The following DOCK3 variants were observed in gnomAD, a reference collection of about 807,000 sequenced individuals.
DOCK3 encodes the protein dedicator of cytokinesis 3, also known as dedicator of cytokinesis protein 3.
Under a neutral mutation model 265.6 loss-of-function variants are expected in DOCK3, and 60 were observed. The observed-to-expected ratio is 0.23, with a 90% CI of 0.18 to 0.28. The LOEUF (loss-of-function observed/expected upper bound fraction) is 0.28, where lower values mean the gene tolerates loss of function less well. Ranked by LOEUF, DOCK3 falls within the 10% of genes least tolerant of loss-of-function variation. The pLI is 1.00. For synonymous variants in DOCK3, 881 were observed against 938.0 expected (o/e 0.94, Z 1.11); for missense variants, 1,981 against 2,594.3 (o/e 0.76, Z 5.14).
intron 48 of DOCK3, 43 bp downstream of exon 48, chr3:51,362,040 A>G (rs1368851385): frequency 1.3e-6 from 2 of 1,567,096 alleles, no homozygotes; most frequent in African/African-American, 1.4e-5. Context: ...CACCATGCCT[A>G]CAGAACTCAC....
chr3:50,750,995 C>T (rs1482681651), intron 1 of DOCK3, among the ~76,000 whole-genome samples: 2 of 152,058 alleles, frequency 1.3e-5, no homozygotes, highest in African/African-American at 4.8e-5. Flanking sequence ...ATTGGAATAG[C>T]TTCTCATTTA....
intron 3 of DOCK3, among the ~76,000 whole-genome samples, chr3:50,884,823 T>C (rs1015606067): frequency 6.6e-6 from 1 of 152,092 alleles, no homozygotes; most frequent in Admixed American, 6.6e-5. Context: ...CCCCACAGTT[T>C]TCCTATTATT....
At chr3:50,801,008 T>C (rs921950669) in intron 2 of DOCK3, among the ~76,000 whole-genome samples, 2 of 152,216 alleles carry the variant, frequency 1.3e-5, no homozygotes, top group African/African-American at 4.8e-5. Flanking sequence ...TTTATTCCAT[T>C]TTGGTCTGAG....
At chr3:51,168,921 G>A (rs919553394) in intron 12 of DOCK3, among the ~76,000 whole-genome samples, 2 of 152,064 alleles carry the variant, frequency 1.3e-5, no homozygotes, top group African/African-American at 4.8e-5. Flanking sequence ...TAAAAACTGG[G>A]CAAAGGACAT....
intron 2 of DOCK3, among the ~76,000 whole-genome samples, chr3:50,829,142 G>A (rs2085580): frequency 0.85 from 128,603 of 152,162 alleles, 54,782 homozygotes; most frequent in East Asian, 0.95. Context: ...GGTTTGCTGC[G>A]CATTGTTTCA....
intron 2 of DOCK3, chr3:50,787,185 C>A (rs2042228297): frequency 1.6e-6 from 1 of 631,802 alleles, no homozygotes; most frequent in African/African-American, 1.8e-5. Context: ...AAACTTATTG[C>A]CACATTTATC....
intron 3 of DOCK3, chr3:50,881,346 T>C (rs928422549): frequency 6.6e-6 from 1 of 152,238 alleles, no homozygotes; most frequent in Non-Finnish European, 1.5e-5. Context: ...TTGTCCCTGT[T>C]TGCAGATGAC....
At chr3:50,821,462 G>T (rs1389405214) in intron 2 of DOCK3, among the ~76,000 whole-genome samples, 1 of 151,934 alleles carries the variant, frequency 6.6e-6, no homozygotes, top group African/African-American at 2.4e-5. Context: ...ACCACACCCG[G>T]CTAATTTTTT....
At chr3:50,949,789 C>T (rs1310588697) in intron 5 of DOCK3, among the ~76,000 whole-genome samples, 2 of 152,048 alleles carry the variant, frequency 1.3e-5, no homozygotes, top group East Asian at 3.8e-4. Flanking sequence ...ATAGTTATTT[C>T]CCCTTTACAT....
intron 7 of DOCK3, among the ~76,000 whole-genome samples, chr3:51,086,472 A>G (rs1420641932): frequency 2.0e-5 from 3 of 152,030 alleles, no homozygotes; most frequent in African/African-American, 4.8e-5. Flanking sequence ...AGTCAGAAAC[A>G]AAAAAGGATA....
At chr3:51,020,863 T>TTAC (rs2079556047) in intron 5 of DOCK3, among the ~76,000 whole-genome samples, 1 of 151,914 alleles carries the variant, frequency 6.6e-6, no homozygotes, top group Non-Finnish European at 1.5e-5. Context: ...GCTGTTTTGG[T>TTAC]TACTGTAGCC....
At chr3:51,290,864 A>G (rs937061871) in intron 27 of DOCK3, among the ~76,000 whole-genome samples, 2 of 152,118 alleles carry the variant, frequency 1.3e-5, no homozygotes, top group Admixed American at 1.3e-4. Flanking sequence ...GTGGATCACA[A>G]GGTCAGGAGT....
Position 51,361,991 on chromosome 3 carries a change from C to T in DOCK3, c.5139C>T (p.His1713=). 1.2e-6 allele frequency: 2 copies of T among 1,606,320 alleles called. No homozygotes were observed. The highest frequency in any genetic ancestry group is 1.7e-6 in the Non-Finnish European group (2 of 1,176,316). The change falls in exon 48 of 53, where the codon CAC becomes CAT. Residue 1713 remains histidine, a synonymous_variant. Transcript: ENST00000266037. This position sits in a 1 kb window ranked among gnomAD's most constrained non-coding sequence, Gnocchi z 4.2. Reference sequence around the variant, plus strand: ...ATGCTCCTGAGGACCTGTACCACCACATGCAGGTACAGAGCTGTCCACGGA... The same window carrying T: ...ATGCTCCTGAGGACCTGTACCACCATATGCAGGTACAGAGCTGTCCACGGA... ...MGDAPEDLYH[H]MQLAYPNPRY... is the part of the protein sequence containing the mutation.
At chr3:50,713,670 T>C (rs1201996508) in intron 1 of DOCK3, among the ~76,000 whole-genome samples, 3 of 151,742 alleles carry the variant, frequency 2.0e-5, no homozygotes, top group East Asian at 1.9e-4. Flanking sequence ...TGTTTGTTTG[T>C]TTTAGATTCT....
At chr3:50,970,727 CTTT>C (rs140767114) in intron 5 of DOCK3, among the ~76,000 whole-genome samples, 6 of 129,638 alleles carry the variant, frequency 4.6e-5, no homozygotes, top group African/African-American at 1.7e-4. Context: ...CTCATTGAGC[CTTT>C]TTTTTTTTTA....
At chr3:51,321,870 G>A (rs561267434) in intron 32 of DOCK3, among the ~76,000 whole-genome samples, 134 of 152,324 alleles carry the variant, frequency 8.8e-4, no homozygotes, top group African/African-American at 3.1e-3. Flanking sequence ...ACCTGAAAGT[G>A]ACAGGGAGAA....
intron 5 of DOCK3, among the ~76,000 whole-genome samples, chr3:50,970,887 ATTTT>A (rs58747991): frequency 1.7e-3 from 24 of 14,412 alleles, no homozygotes; most frequent in Non-Finnish European, 1.1e-3. Flanking sequence ...CACTCATCTA[ATTTT>A]TATATATATA....
intron 1 of DOCK3, among the ~76,000 whole-genome samples, chr3:50,677,659 G>T (rs1471366623): frequency 6.6e-6 from 1 of 152,182 alleles, no homozygotes; most frequent in East Asian, 1.9e-4. Context: ...AGGGCCTCGA[G>T]GGCCTCCTTT....
chr3:50,912,792 C>A (rs1180106441), intron 4 of DOCK3, among the ~76,000 whole-genome samples: 2 of 152,020 alleles, frequency 1.3e-5, no homozygotes, highest in East Asian at 3.9e-4. Context: ...GTCTTAAGGG[C>A]TCCAGAGTCA....
Sources: allele counts gnomAD v4.1 joint callset (sites outside exome capture counted in the v4.1 genomes callset), GRCh38; gene constraint gnomAD v4.1.1; non-coding constraint Gnocchi (gnomAD v3.1); transcripts MANE v1.5; gene names NCBI Gene and HGNC (gene_info 2026-07-23, HGNC 2026-07-21).